RBFOX1: variants seen among roughly 807,000 people sequenced by gnomAD.
The protein encoded by RBFOX1 is RNA binding fox-1 homolog 1, also known as RNA binding protein fox-1 homolog 1.
Under a neutral mutation model 57.7 loss-of-function variants are expected in RBFOX1, and 8 were observed. The ratio of observed to expected loss-of-function variants is 0.14; its 90% CI spans 0.08 to 0.25. The LOEUF is 0.25. Ranked by LOEUF, RBFOX1 falls within the 10% of genes least tolerant of loss-of-function variation. The pLI is 1.00. For synonymous variants in RBFOX1, 326 were observed against 222.4 expected, an observed-to-expected ratio of 1.47 and a Z score of -4.15; for missense variants, 611 against 548.5, an observed-to-expected ratio of 1.11 and a Z score of -1.14.
rs1567535708 is a variant in RBFOX1, at chr16:7,165,928, G to GCA, written c.27+113833_27+113834dup. ...TCTTGCCCCCTGCACCCCACCGCAT[G>GCA]CACATACACACACACACACACACAC... On this transcript the variant is annotated intron_variant, in intron 4 of 15. Coordinates refer to ENST00000550418, the MANE Select transcript of RBFOX1 (RefSeq NM_018723.4). Among the ~76,000 whole-genome samples, 132 of 75,456 alleles carry GCA rather than the reference G, an allele frequency of 1.7e-3. 1 individual carries two copies. Among genetic ancestry groups the GCA allele is most frequent in the African/African-American group, 6.1e-3 (119 of 19,364 alleles). The allele number at this position is 75,456 out of a possible 152,430, so 49.5% of individuals were successfully genotyped here.
At chr16:5,372,846 C>G (rs974190290) in intron 1 of RBFOX1, among the ~76,000 whole-genome samples, 1 of 152,202 alleles carries the variant, frequency 6.6e-6, no homozygotes, top group Admixed American at 6.5e-5. Context: ...CCTTTGGAAT[C>G]AAAACACACT....
At chr16:6,618,199 C>T (rs935755145) in intron 2 of RBFOX1, among the ~76,000 whole-genome samples, 2 of 152,152 alleles carry the variant, frequency 1.3e-5, no homozygotes, top group African/African-American at 4.8e-5. Context: ...CTCCCAGCAC[C>T]CTGCCTAGTG....
At chr16:7,545,620 CCT>C (rs1216985224) in intron 5 of RBFOX1, among the ~76,000 whole-genome samples, 2 of 152,142 alleles carry the variant, frequency 1.3e-5, no homozygotes, top group Non-Finnish European at 2.9e-5. Flanking sequence ...CTTCTTTCCA[CCT>C]CTGACCCAGT....
chr16:5,981,355 C>G (rs1187839196), intron 4 of RBFOX1, among the ~76,000 whole-genome samples: 1 of 152,160 alleles, frequency 6.6e-6, no homozygotes, highest in Non-Finnish European at 1.5e-5. Flanking sequence ...TGGGGTGATG[C>G]TCTGGAATCT....
At chr16:7,450,753 G>T (rs894473816) in intron 4 of RBFOX1, among the ~76,000 whole-genome samples, 1 of 152,164 alleles carries the variant, frequency 6.6e-6, no homozygotes, top group African/African-American at 2.4e-5. Flanking sequence ...TGCTGAGTGG[G>T]TGTTGAGGAG....
chr16:5,668,088 C>G (rs2049903782), intron 3 of RBFOX1, among the ~76,000 whole-genome samples: 1 of 152,120 alleles, frequency 6.6e-6, no homozygotes, highest in Non-Finnish European at 1.5e-5. Context: ...CAGGACCAAC[C>G]TGATCAATAT....
At chr16:6,906,688 G>A (rs534297667) in intron 3 of RBFOX1, among the ~76,000 whole-genome samples, 1 of 151,784 alleles carries the variant, frequency 6.6e-6, no homozygotes, top group South Asian at 2.1e-4. Context: ...GCCTAGTTCA[G>A]AGCAGACTGG....
intron 3 of RBFOX1, among the ~76,000 whole-genome samples, chr16:6,729,757 T>G (rs1283355709): frequency 6.6e-6 from 1 of 152,162 alleles, no homozygotes; most frequent in Non-Finnish European, 1.5e-5. Context: ...GGTCTTAAAG[T>G]CACACTCTGT....
intron 4 of RBFOX1, among the ~76,000 whole-genome samples, chr16:7,395,934 G>T (rs544560046): frequency 6.6e-6 from 1 of 152,174 alleles, no homozygotes; most frequent in Non-Finnish European, 1.5e-5. Context: ...AAATATTGTC[G>T]CAAAATACAC....
intron 3 of RBFOX1, among the ~76,000 whole-genome samples, chr16:6,751,121 G>C (rs955220889): frequency 5.9e-5 from 9 of 152,162 alleles, no homozygotes; most frequent in African/African-American, 2.2e-4. Flanking sequence ...TTGAATAGCA[G>C]ATAAAGGCCA....
chr16:6,760,749 T>G (rs2076481984), intron 3 of RBFOX1, among the ~76,000 whole-genome samples: 1 of 152,206 alleles, frequency 6.6e-6, no homozygotes, highest in African/African-American at 2.4e-5. Flanking sequence ...AGGCACAGCC[T>G]TGGTGCAAGA....
chr16:5,530,557 C>A (rs1426385307), intron 2 of RBFOX1, among the ~76,000 whole-genome samples: 1 of 151,730 alleles, frequency 6.6e-6, no homozygotes, highest in Admixed American at 6.6e-5. Flanking sequence ...CGTTTCTTAA[C>A]ATCTACACTG....
Position 7,683,593 on chromosome 16 carries a change from G to C in RBFOX1, c.995+6755G>C, listed in dbSNP as rs576125961. Among the ~76,000 whole-genome samples the C allele has an allele frequency of 1.1e-3, 162 of 151,980 alleles. 2 individuals carry two copies. The highest frequency in any genetic ancestry group is 3.7e-3 in the African/African-American group (154 of 41,394). ...CACAGCCACGTGGGTAGACACTTTT[G>C]CCAGTGACAAGGCAAGGTGTAACAA... On this transcript the variant is annotated intron_variant, in intron 14 of 15. Coordinates refer to ENST00000550418, the MANE Select transcript of RBFOX1 (RefSeq NM_018723.4).
chr16:7,646,308 C>A (rs369028158), intron 11 of RBFOX1, among the ~76,000 whole-genome samples: 3 of 152,322 alleles, frequency 2.0e-5, no homozygotes, highest in East Asian at 3.9e-4. Context: ...TATTATGCCA[C>A]TTCTTAATTT....
chr16:5,865,153 C>T lies in RBFOX1; in HGVS notation c.319-2150C>T, dbSNP rs146233306. ...CTTTTGCCCATGGAGCTTAGTGAAG[C>T]AGAGAGGGTAGTTCTGCCCAAGGCT... On this transcript the variant is annotated intron_variant, in intron 3 of 19. Transcript: ENST00000641259. Among the ~76,000 whole-genome samples the T allele has an allele frequency of 2.5e-4, 38 of 152,296 alleles. No homozygotes were observed. The East Asian group carries it at 7.0e-3, about 28-fold the overall frequency.
chr16:6,682,697 G>A (rs61444762), intron 3 of RBFOX1, among the ~76,000 whole-genome samples: 444 of 151,876 alleles, frequency 2.9e-3, no homozygotes, highest in African/African-American at 9.6e-3. Flanking sequence ...CCCCCGGCGC[G>A]CAAAATTGCC....
At chr16:5,685,884 A>G (rs1251836208) in intron 3 of RBFOX1, among the ~76,000 whole-genome samples, 1 of 152,228 alleles carries the variant, frequency 6.6e-6, no homozygotes, top group Non-Finnish European at 1.5e-5. Flanking sequence ...CATATGCAGA[A>G]AGAGATGTTC....
chr16:6,769,460 T>A (rs1000418528), intron 3 of RBFOX1, among the ~76,000 whole-genome samples: 1 of 152,218 alleles, frequency 6.6e-6, no homozygotes, highest in African/African-American at 2.4e-5. Flanking sequence ...ACTGCAACAT[T>A]CTTTTTAGCA....
chr16:7,466,945 C>G (rs1331870090), intron 4 of RBFOX1, among the ~76,000 whole-genome samples: 1 of 152,136 alleles, frequency 6.6e-6, no homozygotes, highest in Non-Finnish European at 1.5e-5. Flanking sequence ...ATTTAATCAA[C>G]ACATATTTAC....
Sources: allele counts gnomAD v4.1 joint callset (sites outside exome capture counted in the v4.1 genomes callset), GRCh38; gene constraint gnomAD v4.1.1; transcripts MANE v1.5; gene names NCBI Gene and HGNC (gene_info 2026-07-23, HGNC 2026-07-21).